The following CADM2 variants were observed in gnomAD, a reference collection of about 807,000 sequenced individuals.
CADM2 encodes the protein immunoglobulin superfamily member 4D.
A neutral mutation model predicts 49.8 loss-of-function variants in CADM2; 12 were observed. That is an observed-to-expected ratio of 0.24 (90% CI 0.15 to 0.39). The LOEUF (loss-of-function observed/expected upper bound fraction) is 0.39, where lower values mean the gene tolerates loss of function less well. Among genes scored for constraint, CADM2 ranks in the 10% least tolerant of loss-of-function variants. The pLI, the probability that CADM2 is intolerant of heterozygous loss-of-function variation, is 1.00. For synonymous variants in CADM2, 214 were observed against 175.4 expected, an observed-to-expected ratio of 1.22 and a Z score of -1.74; for missense variants, 378 against 492.3, an observed-to-expected ratio of 0.77 and a Z score of 2.20.
intron 3 of CADM2, among the ~76,000 whole-genome samples, chr3:85,806,721 T>G (rs2072448734): frequency 1.3e-5 from 2 of 151,752 alleles, no homozygotes; most frequent in Non-Finnish European, 2.9e-5. Flanking sequence ...GGTGATAGAG[T>G]GAGGCTCTGT....
intron 8 of CADM2, among the ~76,000 whole-genome samples, chr3:85,986,400 G>C (rs973719797): frequency 6.6e-6 from 1 of 151,536 alleles, no homozygotes; most frequent in Non-Finnish European, 1.5e-5. Context: ...AAATCCCAAA[G>C]TGTGCAAATC....
At chr3:85,790,196 T>G (rs1293479496) in intron 2 of CADM2, among the ~76,000 whole-genome samples, 1 of 152,210 alleles carries the variant, frequency 6.6e-6, no homozygotes, top group Non-Finnish European at 1.5e-5. Context: ...GCAAAACATT[T>G]TTGAAATGGA....
At chr3:85,213,390 A>G (rs1415547443) in intron 1 of CADM2, among the ~76,000 whole-genome samples, 4 of 151,818 alleles carry the variant, frequency 2.6e-5, no homozygotes, top group Admixed American at 2.0e-4. Context: ...TAAATATTTC[A>G]TGCTACTCTC....
chr3:85,836,785 A>G (rs555542229), intron 3 of CADM2, among the ~76,000 whole-genome samples: 3 of 151,726 alleles, frequency 2.0e-5, no homozygotes, highest in Non-Finnish European at 3.0e-5. Flanking sequence ...CTAAGTATCA[A>G]TCTATTGGTT....
intron 1 of CADM2, among the ~76,000 whole-genome samples, chr3:85,275,114 A>G (rs2043326546): frequency 6.6e-6 from 1 of 151,572 alleles, no homozygotes; most frequent in African/African-American, 2.4e-5. Flanking sequence ...TCTATCAAAA[A>G]TCTTTAGCAA....
chr3:85,308,751 A>T (rs2107034477), intron 1 of CADM2, among the ~76,000 whole-genome samples: 1 of 152,128 alleles, frequency 6.6e-6, no homozygotes, highest in Admixed American at 6.5e-5. Context: ...CTCCACTTAC[A>T]TGCACACCTC....
At chr3:85,977,438 G>A (rs1726931997) in intron 8 of CADM2, among the ~76,000 whole-genome samples, 1 of 151,358 alleles carries the variant, frequency 6.6e-6, no homozygotes, top group African/African-American at 2.4e-5. Context: ...ATTGGTCTTT[G>A]CAGTTATTAA....
intron 6 of CADM2, among the ~76,000 whole-genome samples, chr3:85,912,917 C>G (rs573751543): frequency 4.4e-4 from 67 of 152,050 alleles, no homozygotes; most frequent in Non-Finnish European, 6.8e-4. Context: ...TTATTTTATG[C>G]AATTGTGGCT....
chr3:85,028,533 A>T lies in CADM2; in HGVS notation c.61+68865A>T, dbSNP rs114663969. ...GTCTTACAGTGCCAATTAGTATCTT[A>T]AAGTACAAATTTATCTTATTTCAAA... On this transcript the variant is annotated intron_variant, in intron 1 of 9. Transcript: ENST00000383699. Among the ~76,000 whole-genome samples, 746 of 152,308 alleles carry T rather than the reference A, an allele frequency of 4.9e-3. 6 individuals are homozygous for T. Among genetic ancestry groups the T allele is most frequent in the African/African-American group, 0.017 (718 of 41,586 alleles).
chr3:85,626,299 C>T (rs1195921227), intron 1 of CADM2, among the ~76,000 whole-genome samples: 6 of 149,472 alleles, frequency 4.0e-5, no homozygotes, highest in African/African-American at 1.5e-4. Flanking sequence ...TATCTATCAA[C>T]TTGTTCTTAG....
At chr3:86,012,602 A>G in intron 8 of CADM2, 1 of 1,579,138 alleles carries the variant, frequency 6.3e-7, no homozygotes, top group African/African-American at 1.4e-5. Context: ...CGCGAAGCGC[A>G]CGCAGTCCGA....
chr3:85,398,861 C>G (rs1481335121), intron 1 of CADM2, among the ~76,000 whole-genome samples: 1 of 151,832 alleles, frequency 6.6e-6, no homozygotes, highest in East Asian at 1.9e-4. Context: ...TTGTTTTTTT[C>G]TTCTAAATAT....
In CADM2 at chr3:85,669,475, C is replaced by T. The variant is rs1467288924; in HGVS notation, c.62-57047C>T. On this transcript the variant is annotated intron_variant, in intron 1 of 9. Transcript: ENST00000383699. Reference sequence around the variant, plus strand: ...GATATACCTCTTTAAAAAGTGAACACAATTATACTTGCATTCTTGAAATCA... The same window carrying T: ...GATATACCTCTTTAAAAAGTGAACATAATTATACTTGCATTCTTGAAATCA... Among the ~76,000 whole-genome samples the T allele has an allele frequency of 3.3e-5, 5 of 152,212 alleles. No homozygotes were observed. In the South Asian group the frequency reaches 8.3e-4, roughly 25 times the overall value.
At chr3:85,938,515 A>T (rs1303383493) in intron 7 of CADM2, among the ~76,000 whole-genome samples, 1 of 152,124 alleles carries the variant, frequency 6.6e-6, no homozygotes, top group Admixed American at 6.6e-5. Context: ...ATAGCAACAC[A>T]TATAATGGGG....
intron 1 of CADM2, among the ~76,000 whole-genome samples, chr3:85,557,133 C>T (rs1261728125): frequency 6.6e-6 from 1 of 151,876 alleles, no homozygotes; most frequent in East Asian, 1.9e-4. Flanking sequence ...TCAGATTTAT[C>T]TTAATACATC....
chr3:84,973,218 T>C (rs907055663), intron 1 of CADM2, among the ~76,000 whole-genome samples: 1 of 152,188 alleles, frequency 6.6e-6, no homozygotes, highest in Non-Finnish European at 1.5e-5. Context: ...CAGCCTGTAA[T>C]GCCTTTCTGA....
intron 1 of CADM2, among the ~76,000 whole-genome samples, chr3:85,635,245 A>G (rs2064434181): frequency 6.6e-6 from 1 of 152,170 alleles, no homozygotes; most frequent in Non-Finnish European, 1.5e-5. Context: ...TTTTCTGAGA[A>G]CACACACATA....
At chr3:85,092,288 A>G (rs1307427183) in intron 1 of CADM2, among the ~76,000 whole-genome samples, 2 of 152,204 alleles carry the variant, frequency 1.3e-5, no homozygotes, top group Non-Finnish European at 2.9e-5. Flanking sequence ...CATTTTCAGA[A>G]AGCAGATTTT....
chr3:85,573,634 C>T (rs2062547486), intron 1 of CADM2, among the ~76,000 whole-genome samples: 1 of 152,156 alleles, frequency 6.6e-6, no homozygotes, highest in Admixed American at 6.5e-5. Flanking sequence ...TATGTAATCT[C>T]AGGATGATAA....
Sources: allele counts gnomAD v4.1 joint callset (sites outside exome capture counted in the v4.1 genomes callset), GRCh38; gene constraint gnomAD v4.1.1; transcripts MANE v1.5; gene names NCBI Gene and HGNC (gene_info 2026-07-23, HGNC 2026-07-21).